CIBAR1: variants seen among roughly 807,000 people sequenced by gnomAD.
CIBAR1 encodes CBY1 interacting BAR domain containing 1, also known as CBY1-interacting BAR domain-containing protein 1.
A neutral mutation model predicts 44.0 loss-of-function variants in CIBAR1; 25 were observed. The ratio of observed to expected loss-of-function variants is 0.57; its 90% CI spans 0.41 to 0.79. The LOEUF (loss-of-function observed/expected upper bound fraction) is 0.79, where lower values mean the gene tolerates loss of function less well. CIBAR1 is among the 30% of genes least tolerant of loss of function. The pLI is 0.00. For synonymous variants in CIBAR1, 115 were observed against 119.0 expected (o/e 0.97, Z 0.22); for missense variants, 278 against 344.8 (o/e 0.81, Z 1.53).
chr8:93,728,126 T>G (rs2130400439), intron 8 of CIBAR1, 79 bp from the exon 9 acceptor site: 1 of 784,642 alleles, frequency 1.3e-6, no homozygotes. Flanking sequence ...TGCCCTTTAA[T>G]AGCATAAAAA....
intron 2 of CIBAR1, chr8:93,702,497 C>A: frequency 2.2e-6 from 1 of 455,152 alleles, no homozygotes; most frequent in South Asian, 1.6e-5. Context: ...CCTTTTATTT[C>A]CCTTGCTTAC....
rs982094835 is a variant in CIBAR1 at position 93,730,708 on chromosome 8, A to G, written c.*2411A>G. On this transcript the variant is annotated 3_prime_UTR_variant, in exon 9 of 9. Coordinates refer to ENST00000518322, the MANE Select transcript of CIBAR1 (RefSeq NM_145269.5). ...CTGCCATGGCCAATTTGTTATTGAC[A>G]TATCACTAAAGGCAGAGTTGGAGAG... 9 of 137,422 alleles carry G rather than the reference A, an allele frequency of 6.5e-5. No homozygotes were observed. In the Admixed American group the frequency reaches 7.2e-4, roughly 11 times the overall value. 8.5% of individuals were successfully genotyped at this position (137,422 alleles called of 1,614,324 possible).
intron 6 of CIBAR1, chr8:93,715,656 TTATACATCAATGGGACCACCG>T (rs1476229822): frequency 6.6e-6 from 1 of 152,206 alleles, no homozygotes; most frequent in Admixed American, 6.5e-5. Context: ...GTCCTAACAG[TTATACATCAATGGGACCACCG>T]TATATATAGC....
In CIBAR1 at chr8:93,701,015, C is replaced by G. The variant is rs892695360; in HGVS notation, c.27-209C>G. On this transcript the variant is annotated intron_variant, in intron 1 of 8. Transcript: ENST00000518322. ...CTCCCCAGTTAAGGCCAGGCCCACC[C>G]GGCCTGGGCCTTTTCCTGTGCCTAC... The G allele has an allele frequency of 7.0e-6, 10 of 1,422,384 alleles. No individual in the cohort carries two copies. In the Admixed American group the frequency reaches 2.7e-4, roughly 38 times the overall value. 88.1% of individuals were successfully genotyped at this position (1,422,384 alleles called of 1,614,324 possible). A position where few individuals can be genotyped will look rare whatever the true frequency, so the allele number is the denominator to read the frequency against.
chr8:93,716,238 T>A (rs1811030759), intron 6 of CIBAR1: 1 of 152,196 alleles, frequency 6.6e-6, no homozygotes, highest in Non-Finnish European at 1.5e-5. Context: ...GAAACAGGGT[T>A]TCACCATGTT....
In CIBAR1 at chr8:93,700,566, C is replaced by A; in HGVS notation, c.-82C>A. ...CGGGCTTTCAGGCTCCCGGCGGCTG[C>A]TTGCGCCCCAGCGCGCGCCCAGGCG... On this transcript the variant is annotated 5_prime_UTR_variant, in exon 1 of 9. Coordinates refer to ENST00000518322, the MANE Select transcript of CIBAR1 (RefSeq NM_145269.5). The A allele has an allele frequency of 7.2e-7, 1 of 1,388,564 alleles. No individual in the cohort carries two copies. Among genetic ancestry groups the A allele is most frequent in the Non-Finnish European group, 9.3e-7 (1 of 1,070,408 alleles). 86.0% of individuals were successfully genotyped at this position (1,388,564 alleles called of 1,614,324 possible).
intron 6 of CIBAR1, among the ~76,000 whole-genome samples, chr8:93,713,064 G>T (rs1437090612): frequency 4.3e-5 from 5 of 116,734 alleles, no homozygotes; most frequent in African/African-American, 6.8e-5. Context: ...ACAGATTCTC[G>T]CTCTGTCGCC....
intron 7 of CIBAR1, 79 bp from the exon 8 acceptor site, chr8:93,726,315 T>A: frequency 7.8e-7 from 1 of 1,289,834 alleles, no homozygotes; most frequent in Non-Finnish European, 1.0e-6. Flanking sequence ...TAAAAAAAAA[T>A]CTTAACTAAG....
At chr8:93,707,267 G>A in intron 4 of CIBAR1, 2 of 419,600 alleles carry the variant, frequency 4.8e-6, no homozygotes, top group Non-Finnish European at 9.5e-6. Context: ...GCTAAAAATG[G>A]ATGTGTTACT....
intron 2 of CIBAR1, chr8:93,702,369 A>G (rs940187924): frequency 1.0e-5 from 4 of 385,254 alleles, no homozygotes; most frequent in Non-Finnish European, 1.6e-5. Context: ...TTTCAAAGAT[A>G]ATTTATATTC....
chr8:93,723,912 C>T (rs774262375), intron 7 of CIBAR1, among the ~76,000 whole-genome samples: 8 of 152,152 alleles, frequency 5.3e-5, no homozygotes, highest in Non-Finnish European at 1.0e-4. Context: ...TCTGCATTTA[C>T]AGTCAAGAGC....
At chr8:93,725,896 G>A (rs1811469638) in intron 7 of CIBAR1, 1 of 154,716 alleles carries the variant, frequency 6.5e-6, no homozygotes, top group Admixed American at 6.5e-5. Flanking sequence ...TAAACATTTG[G>A]AAATAGTGCC....
In CIBAR1 at chr8:93,731,332, ATAT is replaced by A. The variant is rs1332567431; in HGVS notation, c.*3040_*3042del. ...TGAGAAGCATTTTTTAACTTTCCAT[ATAT>A]TATTCAAAATGGGTGACCAAATGAA... On this transcript the variant is annotated 3_prime_UTR_variant, in exon 9 of 9. Coordinates refer to ENST00000518322, the MANE Select transcript of CIBAR1 (RefSeq NM_145269.5). 3 of 152,120 alleles carry A rather than the reference ATAT, an allele frequency of 2.0e-5. No homozygotes were observed. Among genetic ancestry groups the A allele is most frequent in the Non-Finnish European group, 2.9e-5 (2 of 68,022 alleles). The allele number at this position is 152,120 out of a possible 1,614,324, so 9.4% of individuals were successfully genotyped here. A position where few individuals can be genotyped will look rare whatever the true frequency, so the allele number is the denominator to read the frequency against.
At chr8:93,704,651 A>G (rs570597465) in intron 3 of CIBAR1, among the ~76,000 whole-genome samples, 1 of 152,336 alleles carries the variant, frequency 6.6e-6, no homozygotes, top group South Asian at 2.1e-4. Context: ...TCAAAATTAC[A>G]CATTTATATG....
chr8:93,723,586 A>G (rs1348578818), intron 7 of CIBAR1, among the ~76,000 whole-genome samples: 1 of 151,944 alleles, frequency 6.6e-6, no homozygotes, highest in African/African-American at 2.4e-5. Flanking sequence ...CTTAACTGTT[A>G]ACATCATTCA....
chr8:93,720,943 A>G (rs1187703906), intron 7 of CIBAR1: 2 of 152,200 alleles, frequency 1.3e-5, no homozygotes, highest in Non-Finnish European at 2.9e-5. Context: ...TTATATAATT[A>G]CTTTGAGTCA....
At chr8:93,717,040 A>G (rs1811061358) in intron 6 of CIBAR1, among the ~76,000 whole-genome samples, 1 of 152,236 alleles carries the variant, frequency 6.6e-6, no homozygotes, top group Admixed American at 6.5e-5. Flanking sequence ...TTGAGACAGA[A>G]GTCTCCAAAT....
intron 6 of CIBAR1, among the ~76,000 whole-genome samples, chr8:93,713,674 A>G (rs1306098884): frequency 6.6e-6 from 1 of 152,180 alleles, no homozygotes; most frequent in Non-Finnish European, 1.5e-5. Flanking sequence ...TAAATTTTGT[A>G]AAGGTTAAAT....
At chr8:93,726,310 A>C in intron 7 of CIBAR1, 84 bp from the exon 8 acceptor site, 2 of 1,295,344 alleles carry the variant, frequency 1.5e-6, no homozygotes, top group Non-Finnish European at 2.1e-6. Flanking sequence ...TTTTTTAAAA[A>C]AAAATCTTAA....
Sources: gnomAD v4.1 joint callset for allele counts (sites outside exome capture counted in the v4.1 genomes callset) on GRCh38, gnomAD v4.1.1 for gene constraint, MANE v1.5 for transcripts, NCBI Gene and HGNC (gene_info 2026-07-23, HGNC 2026-07-21) for gene names.